The following ASH2L variants were observed in gnomAD, a reference collection of about 807,000 sequenced individuals.
The protein encoded by ASH2L is set1/Ash2 histone methyltransferase complex subunit ASH2.
Under a neutral mutation model 81.1 loss-of-function variants are expected in ASH2L, and 30 were observed. The ratio of observed to expected loss-of-function variants is 0.37; its 90% CI spans 0.28 to 0.50. ASH2L has a LOEUF of 0.50. ASH2L is among the 20% of genes least tolerant of loss of function. ASH2L has a pLI of 0.95. For missense variants in ASH2L, 559 were observed against 792.1 expected, an observed-to-expected ratio of 0.71 and a Z score of 3.53; for synonymous variants, 273 against 279.9, an observed-to-expected ratio of 0.98 and a Z score of 0.24.
At chr8:38,106,988 A>G in intron 2 of ASH2L, 33 bp from the exon 3 acceptor site, 1 of 1,612,034 alleles carries the variant, frequency 6.2e-7, no homozygotes, top group Non-Finnish European at 8.5e-7. Context: ...CATTCAAGTC[A>G]ACTGATTTGA....
chr8:38,119,415 C>A, intron 9 of ASH2L, 52 bp downstream of exon 9: 1 of 1,394,860 alleles, frequency 7.2e-7, no homozygotes, highest in Non-Finnish European at 9.6e-7. Context: ...TTATTTGGTG[C>A]TGGGAAAGTC....
chr8:38,137,092 C>CA (rs1233717332), intron 14 of ASH2L, among the ~76,000 whole-genome samples: 222 of 71,966 alleles, frequency 3.1e-3, no homozygotes, highest in Admixed American at 8.1e-3. Flanking sequence ...GACTCCGTCT[C>CA]AAAAAAAAAA....
chr8:38,106,494 T>C (rs756612500), intron 2 of ASH2L, 50 bp downstream of exon 2: 1 of 1,456,310 alleles, frequency 6.9e-7, no homozygotes. Context: ...GTTTTAGTTA[T>C]TTCTTCTTCT....
Position 38,113,151 on chromosome 8 carries a change from G to A in ASH2L, c.586-1041G>A, listed in dbSNP as rs142110710. Reference sequence around the variant, plus strand: ...GCCTGGCTGATTTTTGTATTTTTTGGTAGAGACAGGGTTTCACCATGTTGG... The same window carrying A: ...GCCTGGCTGATTTTTGTATTTTTTGATAGAGACAGGGTTTCACCATGTTGG... On this transcript the variant is annotated intron_variant, in intron 5 of 15. Coordinates refer to ENST00000343823, the MANE Select transcript of ASH2L (RefSeq NM_004674.5). Among the ~76,000 whole-genome samples, 1,182 of 151,930 alleles carry A rather than the reference G, an allele frequency of 7.8e-3. 16 individuals carry two copies. Among genetic ancestry groups the A allele is most frequent in the African/African-American group, 0.027 (1,128 of 41,438 alleles).
Position 38,128,425 on chromosome 8 carries a change from A to G in ASH2L, c.1300A>G (p.Thr434Ala), listed in dbSNP as rs765567297. 1 of 1,614,122 alleles carries G rather than the reference A, an allele frequency of 6.2e-7. No individual in the cohort carries two copies. The highest frequency in any genetic ancestry group is 1.7e-5 in the Admixed American group (1 of 59,992). ...EITVDEMPPD[T>A]AARLGWSQPL... Reference sequence around the variant, plus strand: ...CACTGTGGATGAGATGCCACCAGATACCGCTGCCAGACTGGGTTGGTCCCA... The same window carrying G: ...CACTGTGGATGAGATGCCACCAGATGCCGCTGCCAGACTGGGTTGGTCCCA... The change falls in exon 11 of 16, where the codon ACC becomes GCC. Residue 434 changes from threonine (T) to alanine (A), a missense_variant. By Grantham distance (58) the Thr-to-Ala change is moderately conservative. Around this residue, in one of 4 missense-constraint regions of ASH2L, gnomAD observed 318 missense variants for 527.0 expected, o/e 0.60. Coordinates refer to ENST00000343823, the MANE Select transcript of ASH2L (RefSeq NM_004674.5).
rs1209767968 is a variant in ASH2L, at chr8:38,136,066, A to G, written c.1719+300A>G. Among the ~76,000 whole-genome samples, 3 of 150,056 alleles carry G rather than the reference A, an allele frequency of 2.0e-5. No individual in the cohort carries two copies. In the East Asian group the frequency reaches 5.8e-4, roughly 29 times the overall value. ...ACACAAATCCTCCTGGGATGTCATG[A>G]TAACCCACCATTATTAGTCATTGTT... On this transcript the variant is annotated intron_variant, in intron 14 of 15. Transcript: ENST00000343823.
chr8:38,120,820 T>C (rs991426776), intron 9 of ASH2L, 112 bp from the exon 10 acceptor site: 1 of 814,964 alleles, frequency 1.2e-6, no homozygotes, highest in African/African-American at 1.7e-5. Flanking sequence ...GTATTTGCTG[T>C]GAAGTTGCAT....
intron 5 of ASH2L, 38 bp from the exon 6 acceptor site, chr8:38,114,154 T>C (rs996146712): frequency 8.4e-7 from 1 of 1,192,964 alleles, no homozygotes; most frequent in Non-Finnish European, 1.2e-6. Flanking sequence ...ATATCTTTGA[T>C]TGCAGCAGTA....
At position 38,138,711 on chromosome 8, in the gene ASH2L, G is replaced by A. The variant is rs113496477; in HGVS notation, c.1720-105G>A. ...ATCTTATTTGTTCCATTTATCCCCC[G>A]AGTATTGTAGCCACATTTAAAGTGA... On this transcript the variant is annotated intron_variant, in intron 14 of 15. Transcript: ENST00000343823. 2,558 of 894,334 alleles carry A rather than the reference G, an allele frequency of 2.9e-3. 50 individuals are homozygous for A. In the African/African-American group the frequency reaches 0.034, roughly 12 times the overall value. The allele number at this position is 894,334 out of a possible 1,614,324, so 55.4% of individuals were successfully genotyped here.
chr8:38,136,739 C>T (rs927220341), intron 14 of ASH2L, among the ~76,000 whole-genome samples: 2 of 150,330 alleles, frequency 1.3e-5, no homozygotes, highest in Admixed American at 6.6e-5. Context: ...CGTGCCACTA[C>T]TCCAGCCTGG....
intron 10 of ASH2L, among the ~76,000 whole-genome samples, chr8:38,126,791 T>A (rs1052834907): frequency 6.9e-6 from 1 of 145,020 alleles, no homozygotes; most frequent in Non-Finnish European, 1.5e-5. Context: ...GAGGCGGAGC[T>A]TGCAGTGAGC....
At chr8:38,110,331 G>A (rs762281005) in intron 3 of ASH2L, 48 bp from the exon 4 acceptor site, 4 of 1,383,144 alleles carry the variant, frequency 2.9e-6, no homozygotes, top group Non-Finnish European at 4.1e-6. Flanking sequence ...AAAAAGAAGT[G>A]TGTGTGTTCA....
At chr8:38,121,283 C>G in intron 10 of ASH2L, 134 bp downstream of exon 10, 1 of 588,900 alleles carries the variant, frequency 1.7e-6, no homozygotes. Context: ...TAGATTCATC[C>G]AGAATGTGCA....
At chr8:38,125,021 G>A (rs898444054) in intron 10 of ASH2L, among the ~76,000 whole-genome samples, 6 of 152,086 alleles carry the variant, frequency 3.9e-5, no homozygotes, top group African/African-American at 1.4e-4. Flanking sequence ...CAGCTCCTCA[G>A]AAACTAATAG....
chr8:38,136,973 A>G (rs927233906), intron 14 of ASH2L, among the ~76,000 whole-genome samples: 2 of 151,694 alleles, frequency 1.3e-5, no homozygotes, highest in Non-Finnish European at 2.9e-5. Flanking sequence ...CGCGCCTATA[A>G]TCCCAGCTGT....
At chr8:38,128,977 T>A in intron 12 of ASH2L, 26 bp downstream of exon 12, 7 of 1,600,812 alleles carry the variant, frequency 4.4e-6, no homozygotes, top group South Asian at 1.1e-5. Flanking sequence ...CCCGGCAGAT[T>A]CCTGGCTTTG....
At chr8:38,105,941 A>G in intron 1 of ASH2L, 2 of 1,500,626 alleles carry the variant, frequency 1.3e-6, no homozygotes, top group African/African-American at 1.4e-5. Flanking sequence ...GGGCGGTGGG[A>G]GCTGAGGCTC....
intron 12 of ASH2L, among the ~76,000 whole-genome samples, chr8:38,132,179 A>G (rs986669474): frequency 7.2e-5 from 11 of 152,108 alleles, no homozygotes; most frequent in Admixed American, 6.6e-4. Context: ...AAGACAATAT[A>G]TGCCTAGATT....
At chr8:38,127,692 A>G (rs1585597149) in intron 10 of ASH2L, among the ~76,000 whole-genome samples, 6 of 145,330 alleles carry the variant, frequency 4.1e-5, no homozygotes, top group Middle Eastern at 3.7e-3. Context: ...GCAGTGAGCC[A>G]AGATCGTGCC....
Sources: allele counts gnomAD v4.1 joint callset (sites outside exome capture counted in the v4.1 genomes callset), GRCh38; gene constraint gnomAD v4.1.1; regional missense constraint gnomAD v4.1.1; transcripts MANE v1.5; gene names NCBI Gene and HGNC (gene_info 2026-07-23, HGNC 2026-07-21).